The following TIAM2 variants were observed in gnomAD, a reference collection of about 807,000 sequenced individuals.
TIAM2 encodes TIAM Rac1 associated GEF 2, also known as rho guanine nucleotide exchange factor TIAM2.
A neutral mutation model predicts 152.9 loss-of-function variants in TIAM2; 80 were observed. The observed-to-expected ratio is 0.52, with a 90% CI of 0.44 to 0.63. TIAM2 has a LOEUF of 0.63. TIAM2 is among the 30% of genes least tolerant of loss of function. The pLI, the probability that TIAM2 is intolerant of heterozygous loss-of-function variation, is 0.00. For missense variants in TIAM2, 1,965 were observed against 2,120.1 expected (o/e 0.93, Z 1.44); for synonymous variants, 804 against 838.0 (o/e 0.96, Z 0.70).
At chr6:155,012,603 T>C (rs1276320379) in intron 1 of TIAM2, among the ~76,000 whole-genome samples, 6 of 152,296 alleles carry the variant, frequency 3.9e-5, no homozygotes, top group African/African-American at 1.4e-4. Context: ...CAGGCTGGAG[T>C]GCAGTGGCGT....
intron 1 of TIAM2, among the ~76,000 whole-genome samples, chr6:155,085,089 A>G (rs765389096): frequency 3.3e-5 from 5 of 152,100 alleles, no homozygotes; most frequent in Non-Finnish European, 5.9e-5. Flanking sequence ...GTTAAGGGAG[A>G]TGGGAGTTAC....
intron 14 of TIAM2, among the ~76,000 whole-genome samples, chr6:155,199,089 A>G (rs1781421778): frequency 6.6e-6 from 1 of 152,008 alleles, no homozygotes; most frequent in Non-Finnish European, 1.5e-5. Flanking sequence ...TTTAATTACA[A>G]AAAAAGTTTT....
At chr6:155,096,036 A>C (rs908652675) in intron 2 of TIAM2, among the ~76,000 whole-genome samples, 2 of 152,140 alleles carry the variant, frequency 1.3e-5, no homozygotes, top group Admixed American at 6.6e-5. Flanking sequence ...GTAGCGTAAT[A>C]ATACAGATGT....
chr6:155,211,987 GC>G (rs1217277447), intron 15 of TIAM2, among the ~76,000 whole-genome samples: 21 of 152,058 alleles, frequency 1.4e-4, no homozygotes, highest in Non-Finnish European at 2.4e-4. Flanking sequence ...TTTGTTTCTG[GC>G]TTATTTCACT....
chr6:155,108,166 T>C (rs958539703), intron 2 of TIAM2, among the ~76,000 whole-genome samples: 2 of 152,206 alleles, frequency 1.3e-5, no homozygotes, highest in African/African-American at 2.4e-5. Context: ...TGAATTATTT[T>C]CAGGCAGGCT....
chr6:155,188,040 T>G (rs1781096261), intron 14 of TIAM2, among the ~76,000 whole-genome samples: 1 of 152,184 alleles, frequency 6.6e-6, no homozygotes, highest in African/African-American at 2.4e-5. Context: ...GCAGTAGGAC[T>G]TACTGTTTCC....
intron 1 of TIAM2, chr6:155,005,339 T>A (rs1778381083): frequency 2.5e-5 from 4 of 162,352 alleles, no homozygotes; most frequent in African/African-American, 7.2e-5. Flanking sequence ...TTTGTTTTTG[T>A]TTTTTATTTT....
rs781150338 is a variant in TIAM2 at position 155,251,930 on chromosome 6, T to C, written c.4061-15T>C. 1.1e-5 allele frequency: 18 copies of C among 1,590,786 alleles called. No individual in the cohort carries two copies. In the Middle Eastern group the frequency reaches 5.2e-4, roughly 46 times the overall value. On this transcript the variant is annotated splice_polypyrimidine_tract_variant and intron_variant, in intron 22 of 26. Coordinates refer to ENST00000682666, the MANE Select transcript of TIAM2 (RefSeq NM_012454.4). ...GCATAAAATAAAGACTTTCTTTCTCTTTTCCTTTCTTTAGTTTTTAAGAGA... is the reference window on the plus strand; with the variant it reads ...GCATAAAATAAAGACTTTCTTTCTCCTTTCCTTTCTTTAGTTTTTAAGAGA...
chr6:155,005,310 C>A, intron 1 of TIAM2: 1 of 207,748 alleles, frequency 4.8e-6, no homozygotes. Context: ...TTGGAGAGAC[C>A]CTGAGAGAGT....
Position 155,182,310 on chromosome 6 carries a change from A to G in TIAM2, c.2792A>G (p.Tyr931Cys). 1 of 1,614,088 alleles carries G rather than the reference A, an allele frequency of 6.2e-7. No individual in the cohort carries two copies. ...ISDVLPDGLAYGEGLRKGNEI... is the reference protein window; with the variant it reads ...ISDVLPDGLACGEGLRKGNEI... The stretch of plus-strand genomic sequence containing the variant: ...GACGTTCTTCCCGATGGCCTGGCGT[A>G]TGGGGAAGGTCCGTGTGGCACACCG... Residue 931 changes from tyrosine to cysteine, a missense_variant, in exon 13 of 27, where the codon TAT becomes TGT. Transcript: ENST00000682666.
rs747893250 is a variant in TIAM2, at chr6:155,256,812, G to A, written c.4797G>A (p.Glu1599=). 11 of 1,614,074 alleles carry A rather than the reference G, an allele frequency of 6.8e-6. No individual in the cohort carries two copies. The highest frequency in any genetic ancestry group is 2.5e-6 in the Non-Finnish European group (3 of 1,180,052). ...EIQFQRLRIS[E]DPDVHPEAEQ... is the part of the protein sequence containing the mutation. The stretch of plus-strand genomic sequence containing the variant: ...AGTTCCAGAGACTGAGGATTTCCGA[G>A]GACCCAGACGTTCACCCCGAGGCTG... Residue 1599 remains glutamate, a synonymous_variant, in exon 27 of 27, where the codon GAG becomes GAA. Coordinates refer to ENST00000682666, the MANE Select transcript of TIAM2 (RefSeq NM_012454.4).
chr6:155,177,009 G>A, intron 10 of TIAM2, 32 bp downstream of exon 10: 1 of 1,585,228 alleles, frequency 6.3e-7, no homozygotes, highest in Non-Finnish European at 8.6e-7. Context: ...ATATATTTCT[G>A]AATAGAAATA....
At chr6:155,019,459 G>A (rs1177911794) in intron 1 of TIAM2, among the ~76,000 whole-genome samples, 1 of 152,204 alleles carries the variant, frequency 6.6e-6, no homozygotes, top group Non-Finnish European at 1.5e-5. Context: ...ATTTTAAAAA[G>A]AAAAATTAAG....
chr6:155,181,693 C>G (rs981412203), intron 12 of TIAM2, among the ~76,000 whole-genome samples: 14 of 152,288 alleles, frequency 9.2e-5, no homozygotes, highest in African/African-American at 3.1e-4. Context: ...TCGGAATTCC[C>G]CTAGCAACCA....
intron 7 of TIAM2, among the ~76,000 whole-genome samples, chr6:155,160,902 G>A (rs1239532497): frequency 6.6e-6 from 1 of 152,160 alleles, no homozygotes; most frequent in African/African-American, 2.4e-5. Flanking sequence ...AATTTTAAAT[G>A]AACTTTACAG....
intron 18 of TIAM2, 48 bp downstream of exon 18, chr6:155,244,831 A>G (rs2115326088): frequency 1.3e-6 from 2 of 1,557,726 alleles, no homozygotes; most frequent in Non-Finnish European, 1.7e-6. Flanking sequence ...TGGCTATGGT[A>G]CGTATTTCTC....
rs1486302332 is a variant in TIAM2, at chr6:155,073,156, G to A, written c.-208-17133G>A. Among the ~76,000 whole-genome samples the A allele has an allele frequency of 2.8e-5, 3 of 109,060 alleles. No individual in the cohort carries two copies. In the East Asian group the frequency reaches 7.4e-4, roughly 27 times the overall value. 71.5% of individuals were successfully genotyped at this position (109,060 alleles called of 152,430 possible). On this transcript the variant is annotated intron_variant, in intron 1 of 26. Coordinates refer to ENST00000682666, the MANE Select transcript of TIAM2 (RefSeq NM_012454.4). ...GCTTTTCTTGCTTCAGATTGATTAA[G>A]TTCTTTTTTTTTTTTTTTTTTTTTT...
chr6:155,074,994 TTCTGGATAAG>T (rs1290722515), intron 1 of TIAM2, among the ~76,000 whole-genome samples: 12 of 151,596 alleles, frequency 7.9e-5, no homozygotes, highest in African/African-American at 2.9e-4. Context: ...CTCGATGCAA[TTCTGGATAAG>T]TCTGGATAAG....
At chr6:155,098,368 A>G (rs1778467873) in intron 2 of TIAM2, among the ~76,000 whole-genome samples, 1 of 152,122 alleles carries the variant, frequency 6.6e-6, no homozygotes, top group South Asian at 2.1e-4. Flanking sequence ...AGTGTGTTAC[A>G]GTTTTTATCG....
Sources: gnomAD v4.1 joint callset for allele counts (sites outside exome capture counted in the v4.1 genomes callset) on GRCh38, gnomAD v4.1.1 for gene constraint, MANE v1.5 for transcripts, NCBI Gene and HGNC (gene_info 2026-07-23, HGNC 2026-07-21) for gene names.